Variants in ITPR2 observed in about 807,000 individuals in gnomAD.
The protein encoded by ITPR2 is inositol 1,4,5-trisphosphate receptor type 2, also known as inositol 1,4,5-trisphosphate-gated calcium channel ITPR2.
In ITPR2, 207 loss-of-function variants were observed where a neutral mutation model predicts 317.1. The ratio of observed to expected loss-of-function variants is 0.65; its 90% CI spans 0.58 to 0.73. The LOEUF (loss-of-function observed/expected upper bound fraction) is 0.73, where lower values mean the gene tolerates loss of function less well. Among genes scored for constraint, ITPR2 ranks in the 30% least tolerant of loss-of-function variants. The pLI, the probability that ITPR2 is intolerant of heterozygous loss-of-function variation, is 0.00. For missense variants in ITPR2, 2,613 were observed against 3,284.0 expected, an observed-to-expected ratio of 0.80 and a Z score of 4.99; for synonymous variants, 1,156 against 1,149.1, an observed-to-expected ratio of 1.01 and a Z score of -0.12.
At chr12:26,556,564 T>TGTGTGTGTGTGTGTGTGTG (rs558329274) in intron 35 of ITPR2, among the ~76,000 whole-genome samples, 189 bp from the exon 36 acceptor site, 1 of 111,596 alleles carries the variant, frequency 9.0e-6, no homozygotes, top group African/African-American at 2.9e-5. Context: ...CTATTTTTTT[T>TGTGTGTGTGTGTGTGTGTG]TTTGTGTGTG....
chr12:26,549,237 T>A (rs1226776758), intron 37 of ITPR2, among the ~76,000 whole-genome samples: 1 of 152,198 alleles, frequency 6.6e-6, no homozygotes, highest in East Asian at 1.9e-4. Context: ...ATTTTGATCA[T>A]TTGTTTTCCA....
At chr12:26,795,298 T>A (rs887681850) in intron 1 of ITPR2, among the ~76,000 whole-genome samples, 1 of 152,216 alleles carries the variant, frequency 6.6e-6, no homozygotes, top group Admixed American at 6.5e-5. Context: ...TCAAATGTGA[T>A]AAGTAAAACT....
At chr12:26,512,577 G>A (rs1310355254) in intron 37 of ITPR2, among the ~76,000 whole-genome samples, 1 of 152,162 alleles carries the variant, frequency 6.6e-6, no homozygotes, top group Non-Finnish European at 1.5e-5. Flanking sequence ...CCTGCTTTGA[G>A]TTGTCTCACC....
At chr12:26,801,847 A>G (rs1950560792) in intron 1 of ITPR2, among the ~76,000 whole-genome samples, 1 of 152,170 alleles carries the variant, frequency 6.6e-6, no homozygotes, top group Admixed American at 6.5e-5. Context: ...CTGCAAAATG[A>G]AACTGCTGTA....
intron 43 of ITPR2, among the ~76,000 whole-genome samples, chr12:26,479,084 G>A (rs1942485155): frequency 6.7e-6 from 1 of 149,260 alleles, no homozygotes; most frequent in African/African-American, 2.5e-5. Context: ...TTCTTATATT[G>A]GCCAATGTGT....
intron 9 of ITPR2, among the ~76,000 whole-genome samples, chr12:26,700,906 C>G (rs1283851598): frequency 1.3e-5 from 2 of 152,178 alleles, no homozygotes. Flanking sequence ...TATCATGACT[C>G]TCAAGTCTTT....
chr12:26,582,054 T>C (rs572708907), intron 32 of ITPR2, among the ~76,000 whole-genome samples: 2 of 152,104 alleles, frequency 1.3e-5, no homozygotes, highest in African/African-American at 4.8e-5. Flanking sequence ...TCCAGGGTTA[T>C]GAAAAGTCTG....
intron 25 of ITPR2, 98 bp from the exon 26 acceptor site, chr12:26,621,394 G>C: frequency 1.2e-6 from 1 of 855,018 alleles, no homozygotes; most frequent in Non-Finnish European, 1.8e-6. Context: ...CTACCTAGAA[G>C]TAAGTGTGAA....
At chr12:26,704,990 A>T (rs563509328) in intron 9 of ITPR2, among the ~76,000 whole-genome samples, 1 of 152,348 alleles carries the variant, frequency 6.6e-6, no homozygotes, top group Non-Finnish European at 1.5e-5. Flanking sequence ...TATGTCTGTT[A>T]AAGTTGGAAA....
chr12:26,703,242 C>T lies in ITPR2; in HGVS notation c.952-7592G>A, dbSNP rs544952677. Among the ~76,000 whole-genome samples the T allele has an allele frequency of 9.2e-5, 14 of 152,240 alleles. No homozygotes were observed. In the East Asian group the frequency reaches 2.7e-3, roughly 29 times the overall value. ...TTAACAATTAGACATTACATAGAAC[C>T]ATTTCTCTCAGATGTGCATGTATAG... is the stretch of plus-strand genomic sequence containing the variant. On this transcript the variant is annotated intron_variant, in intron 9 of 56. Coordinates refer to ENST00000381340, the MANE Select transcript of ITPR2 (RefSeq NM_002223.4).
At chr12:26,727,340 C>T (rs1948947307) in intron 2 of ITPR2, among the ~76,000 whole-genome samples, 1 of 152,158 alleles carries the variant, frequency 6.6e-6, no homozygotes, top group South Asian at 2.1e-4. Context: ...ACTGTCTGCA[C>T]TCAGCAAAAG....
At chr12:26,711,289 G>C (rs368037830) in intron 8 of ITPR2, 21 bp from the exon 9 acceptor site, 1 of 1,529,366 alleles carries the variant, frequency 6.5e-7, no homozygotes, top group Admixed American at 1.7e-5. Context: ...AGCAACGATA[G>C]TAATGGCAAA....
At chr12:26,383,775 C>T (rs1238814874) in intron 55 of ITPR2, among the ~76,000 whole-genome samples, 7 of 151,728 alleles carry the variant, frequency 4.6e-5, no homozygotes, top group East Asian at 1.9e-4. Flanking sequence ...GGATTACAGG[C>T]GTGAGCCACC....
chr12:26,414,533 T>TACCCAGCA, intron 51 of ITPR2, among the ~76,000 whole-genome samples: 1 of 152,196 alleles, frequency 6.6e-6, no homozygotes, highest in African/African-American at 2.4e-5. Context: ...CTATGATTTC[T>TACCCAGCA]ACCCAGCAAA....
intron 5 of ITPR2, among the ~76,000 whole-genome samples, chr12:26,718,580 T>C (rs1396966809): frequency 6.7e-6 from 1 of 149,444 alleles, no homozygotes; most frequent in Non-Finnish European, 1.5e-5. Context: ...ATATATATAG[T>C]ATATATATAT....
chr12:26,663,923 A>T, intron 14 of ITPR2, 77 bp from the exon 15 acceptor site: 1 of 1,299,428 alleles, frequency 7.7e-7, no homozygotes, highest in Non-Finnish European at 1.1e-6. Context: ...AAATAAGAAC[A>T]TTGATTCAAA....
chr12:26,660,019 A>G (rs1947461803), intron 15 of ITPR2, among the ~76,000 whole-genome samples: 1 of 152,218 alleles, frequency 6.6e-6, no homozygotes, highest in African/African-American at 2.4e-5. Flanking sequence ...TATGCTGAAG[A>G]AGTGACATTT....
chr12:26,343,361 G>A (rs1938198675), intron 55 of ITPR2, among the ~76,000 whole-genome samples: 1 of 152,188 alleles, frequency 6.6e-6, no homozygotes, highest in South Asian at 2.1e-4. Flanking sequence ...TGGGGTGAGA[G>A]TGCCTTAAGT....
intron 26 of ITPR2, among the ~76,000 whole-genome samples, chr12:26,608,291 G>T (rs1946184560): frequency 6.6e-6 from 1 of 152,216 alleles, no homozygotes; most frequent in Admixed American, 6.5e-5. Context: ...TGCCACTGGG[G>T]TGCAGCATCT....
Sources: allele counts gnomAD v4.1 joint callset (sites outside exome capture counted in the v4.1 genomes callset), GRCh38; gene constraint gnomAD v4.1.1; transcripts MANE v1.5; gene names NCBI Gene and HGNC (gene_info 2026-07-23, HGNC 2026-07-21).